The following RNF19A variants were observed in gnomAD, a reference collection of about 807,000 sequenced individuals.
RNF19A encodes the protein ring finger protein 19A, RBR E3 ubiquitin protein ligase.
Under a neutral mutation model 75.7 loss-of-function variants are expected in RNF19A, and 32 were observed. That is an observed-to-expected ratio of 0.42 (90% CI 0.32 to 0.57). RNF19A has a LOEUF of 0.57. Among genes scored for constraint, RNF19A ranks in the 20% least tolerant of loss-of-function variants. The pLI, the probability that RNF19A is intolerant of heterozygous loss-of-function variation, is 0.10. For missense variants in RNF19A, 782 were observed against 1,036.3 expected (o/e 0.75, Z 3.37); for synonymous variants, 335 against 345.2 (o/e 0.97, Z 0.33).
chr8:100,302,126 T>C (rs1821863917), intron 1 of RNF19A, among the ~76,000 whole-genome samples: 1 of 152,242 alleles, frequency 6.6e-6, no homozygotes. Flanking sequence ...TTGGCTTTTA[T>C]TCTAAGTGAG....
rs1456206402 is a variant in RNF19A, at chr8:100,269,800, A to C, written c.1028+69T>G. 7.9e-7 allele frequency: 1 copy of C among 1,270,944 alleles called. No homozygotes were observed. Among genetic ancestry groups the C allele is most frequent in the Non-Finnish European group, 1.0e-6 (1 of 963,320 alleles). The allele number at this position is 1,270,944 out of a possible 1,614,324, so 78.7% of individuals were successfully genotyped here. Reference sequence around the variant, plus strand: ...TAAGTATCTTATAAAACCCAAATTTAAGACAAGTTATTTTGTCTTACAATA... The same window carrying C: ...TAAGTATCTTATAAAACCCAAATTTCAGACAAGTTATTTTGTCTTACAATA... On this transcript the variant is annotated intron_variant, in intron 4 of 9. Coordinates refer to ENST00000341084, the MANE Select transcript of RNF19A (RefSeq NM_183419.4). This position sits in a 1 kb window ranked among gnomAD's most constrained non-coding sequence, Gnocchi z 5.7.
intron 1 of RNF19A, among the ~76,000 whole-genome samples, chr8:100,328,760 G>A (rs139233747): frequency 1.3e-3 from 191 of 152,260 alleles, no homozygotes; most frequent in East Asian, 1.9e-4. Flanking sequence ...GTGAGACACC[G>A]CACCTGGTCT....
At chr8:100,311,653 G>A (rs1822295391), upstream of RNF19A, among the ~76,000 whole-genome samples, 2 of 150,458 alleles carry the variant, frequency 1.3e-5, no homozygotes, top group Non-Finnish European at 2.9e-5. Flanking sequence ...GGGCGGCGGA[G>A]CTTGTAGTGA....
chr8:100,309,481 T>C, intron 1 of RNF19A: 12 of 985,476 alleles, frequency 1.2e-5, no homozygotes, highest in Non-Finnish European at 1.4e-5. Context: ...TCCCCCGCTT[T>C]AGGGGCAGGA....
Position 100,332,990 on chromosome 8 carries a change from A to G in RNF19A, c.-243+3118T>C, listed in dbSNP as rs940417138. On this transcript the variant is annotated intron_variant, in intron 1 of 3. Transcript: ENST00000519527. This position sits in a 1 kb window ranked among gnomAD's most constrained non-coding sequence, Gnocchi z 4.8. ...TGCTTTGTCTTATTTACATTTGCCAAGAACATGACAACTTTGACTCTTTTC... is the reference window on the plus strand; with the variant it reads ...TGCTTTGTCTTATTTACATTTGCCAGGAACATGACAACTTTGACTCTTTTC... Among the ~76,000 whole-genome samples the G allele has an allele frequency of 6.6e-6, 1 of 152,122 alleles. No homozygotes were observed. The highest frequency in any genetic ancestry group is 1.5e-5 in the Non-Finnish European group (1 of 68,018).
At chr8:100,271,901 A>G (rs960109356) in intron 3 of RNF19A, among the ~76,000 whole-genome samples, 3 of 152,170 alleles carry the variant, frequency 2.0e-5, no homozygotes, top group Non-Finnish European at 4.4e-5. Flanking sequence ...CCAAGAATCA[A>G]TTAAGCCACC....
intron 2 of RNF19A, among the ~76,000 whole-genome samples, chr8:100,276,723 C>CAAAAAAAAAAAAAAAAAAGAA (rs1820534081): frequency 1.2e-5 from 1 of 80,596 alleles, no homozygotes; most frequent in African/African-American, 4.0e-5. Flanking sequence ...ACCACTGTAC[C>CAAAAAAAAAAAAAAAAAAGAA]AAAAAAAAAA....
intron 1 of RNF19A, among the ~76,000 whole-genome samples, chr8:100,293,541 T>C (rs959625853): frequency 6.6e-6 from 1 of 152,232 alleles, no homozygotes; most frequent in South Asian, 2.1e-4. Context: ...TTTTCTATCT[T>C]GGATGTTCAG....
At chr8:100,268,537 T>A in intron 5 of RNF19A, 1 of 302,362 alleles carries the variant, frequency 3.3e-6, no homozygotes, top group Non-Finnish European at 6.0e-6. Flanking sequence ...CAAAGTTTTA[T>A]AATACAAACA....
intron 1 of RNF19A, among the ~76,000 whole-genome samples, chr8:100,328,538 C>G (rs576470708): frequency 6.6e-6 from 1 of 151,936 alleles, no homozygotes; most frequent in African/African-American, 2.4e-5. Context: ...GTGGCACAAT[C>G]TCGGCTCCCT....
chr8:100,329,404 G>T lies in RNF19A; in HGVS notation c.-243+6704C>A, dbSNP rs1164988909. Among the ~76,000 whole-genome samples, 1 of 152,026 alleles carries T rather than the reference G, an allele frequency of 6.6e-6. No homozygotes were observed. The highest frequency in any genetic ancestry group is 2.1e-4 in the South Asian group (1 of 4,818). ...ATTTTAATGTTCACAAGCTCAAAAT[G>T]AGTGAGTTGTGATACAGTGCTGCAA... On this transcript the variant is annotated intron_variant, in intron 1 of 3. Coordinates refer to the RNF19A transcript ENST00000519527. This position sits in a 1 kb window ranked among gnomAD's most constrained non-coding sequence, Gnocchi z 4.3.
At position 100,284,596 on chromosome 8, in the gene RNF19A, AGC is replaced by A. The variant is rs1328903289; in HGVS notation, c.674+2903_674+2904del. Among the ~76,000 whole-genome samples, 3 of 152,118 alleles carry A rather than the reference AGC, an allele frequency of 2.0e-5. No homozygotes were observed. The highest frequency in any genetic ancestry group is 2.9e-5 in the Non-Finnish European group (2 of 67,972). ...TTTTCATAGTAACAGAGTCTAGTAAAGCAAGTGTTTCTATTATTTTATGATAT... is the reference window on the plus strand; with the variant it reads ...TTTTCATAGTAACAGAGTCTAGTAAAAAGTGTTTCTATTATTTTATGATAT... On this transcript the variant is annotated intron_variant, in intron 2 of 9. Coordinates refer to ENST00000341084, the MANE Select transcript of RNF19A (RefSeq NM_183419.4). The surrounding 1 kb of genome is among the most constrained non-coding windows in gnomAD (Gnocchi z 4.3).
chr8:100,258,522 G>C lies in RNF19A; in HGVS notation c.*34C>G. On this transcript the variant is annotated 3_prime_UTR_variant, in exon 10 of 10. Coordinates refer to ENST00000341084, the MANE Select transcript of RNF19A (RefSeq NM_183419.4). The surrounding 1 kb of genome is among the most constrained non-coding windows in gnomAD (Gnocchi z 4.3). ...AGTTCAACCAGCTCCAAACACGGTT[G>C]TACAGTGGTAATTATTCTGCAGCAT... 2 of 1,537,548 alleles carry C rather than the reference G, an allele frequency of 1.3e-6. No individual in the cohort carries two copies. The highest frequency in any genetic ancestry group is 1.8e-6 in the Non-Finnish European group (2 of 1,127,198).
rs750503553 is a variant in RNF19A, at chr8:100,259,028, C to T, written c.2045G>A (p.Gly682Asp). ...KSKSGKLRKK[G>D]NMKINETRED... ...TCTCGTCTCATTTATCTTCATGTTA[C>T]CCTTTTTCCTCAGTTTACCACTTTT... Residue 682 changes from glycine to aspartate, a missense_variant, in exon 10 of 10, where the codon GGT (glycine) becomes GAT (aspartate). Coordinates refer to ENST00000341084, the MANE Select transcript of RNF19A (RefSeq NM_183419.4). This position sits in a 1 kb window ranked among gnomAD's most constrained non-coding sequence, Gnocchi z 4.5. 3 of 1,614,174 alleles carry T rather than the reference C, an allele frequency of 1.9e-6. No homozygotes were observed. In the South Asian group the frequency reaches 3.3e-5, roughly 18 times the overall value.
At chr8:100,265,160 T>C (rs1186664224) in intron 5 of RNF19A, among the ~76,000 whole-genome samples, 3 of 152,222 alleles carry the variant, frequency 2.0e-5, no homozygotes, top group African/African-American at 7.2e-5. Context: ...TCCAGCATTC[T>C]AAAGGTTTCT....
chr8:100,264,352 T>C lies in RNF19A; in HGVS notation c.1307-157A>G, dbSNP rs1330290587. 4.5e-6 allele frequency: 3 copies of C among 661,812 alleles called. No homozygotes were observed. The highest frequency in any genetic ancestry group is 5.0e-6 in the Non-Finnish European group (2 of 402,390). 41.0% of individuals were successfully genotyped at this position (661,812 alleles called of 1,614,324 possible). A position where few individuals can be genotyped will look rare whatever the true frequency, so the allele number is the denominator to read the frequency against. ...ATTTGCCAAAAGTAGATTTACCCAGTTGTTAAGCAAATTCAAGGTTCCCAG... is the reference window on the plus strand; with the variant it reads ...ATTTGCCAAAAGTAGATTTACCCAGCTGTTAAGCAAATTCAAGGTTCCCAG... On this transcript the variant is annotated intron_variant, in intron 6 of 9. Coordinates refer to ENST00000341084, the MANE Select transcript of RNF19A (RefSeq NM_183419.4). The surrounding 1 kb of genome is among the most constrained non-coding windows in gnomAD (Gnocchi z 4.7).
chr8:100,291,709 A>T (rs1052254818), intron 1 of RNF19A, among the ~76,000 whole-genome samples: 3 of 152,214 alleles, frequency 2.0e-5, no homozygotes, highest in African/African-American at 7.2e-5. Flanking sequence ...GTCAAATAAC[A>T]GTTTTTGCTT....
chr8:100,305,446 A>G (rs1822027087), intron 1 of RNF19A, among the ~76,000 whole-genome samples: 3 of 152,220 alleles, frequency 2.0e-5, no homozygotes, highest in Admixed American at 6.5e-5. Flanking sequence ...ACGCTGTCCA[A>G]TATGAATAAA....
chr8:100,259,221 C>T lies in RNF19A; in HGVS notation c.1852G>A (p.Val618Ile). ...DKEGNSMEVQ[V>I]DIESKPSKFR... Reference sequence around the variant, plus strand: ...TTGGATGGCTTTGACTCAATATCTACTTGCACCTCCATACTGTTGCCTTCT... The same window carrying T: ...TTGGATGGCTTTGACTCAATATCTATTTGCACCTCCATACTGTTGCCTTCT... Residue 618 changes from valine (V) to isoleucine (I), a missense_variant, in exon 10 of 10, where the codon GTA becomes ATA. Physicochemically the swap from Val to Ile is conservative, Grantham distance 29 (BLOSUM62 3). This residue lies in a region of RNF19A where 442 missense variants were observed against 541.6 expected (regional missense o/e 0.82). Transcript: ENST00000341084. This position sits in a 1 kb window ranked among gnomAD's most constrained non-coding sequence, Gnocchi z 4.5. 3 of 1,612,808 alleles carry T rather than the reference C, an allele frequency of 1.9e-6. No homozygotes were observed. Among genetic ancestry groups the T allele is most frequent in the Non-Finnish European group, 2.5e-6 (3 of 1,179,698 alleles).
Sources: gnomAD v4.1 joint callset for allele counts (sites outside exome capture counted in the v4.1 genomes callset) on GRCh38, gnomAD v4.1.1 for gene constraint, gnomAD v4.1.1 regional missense constraint, Gnocchi (gnomAD v3.1) non-coding constraint, MANE v1.5 for transcripts, NCBI Gene and HGNC (gene_info 2026-07-23, HGNC 2026-07-21) for gene names.